Variants in COX11 observed in about 807,000 individuals in gnomAD.
COX11 encodes the protein cytochrome c oxidase assembly protein COX11, mitochondrial.
Under a neutral mutation model 29.4 loss-of-function variants are expected in COX11, and 18 were observed. The observed-to-expected ratio is 0.61, with a 90% CI of 0.42 to 0.91. The LOEUF (loss-of-function observed/expected upper bound fraction) is 0.91. COX11 is among the 40% of genes least tolerant of loss of function. The pLI is 0.00. For missense variants in COX11, 312 were observed against 346.0 expected, an observed-to-expected ratio of 0.90 and a Z score of 0.78; for synonymous variants, 131 against 124.0, an observed-to-expected ratio of 1.06 and a Z score of -0.38.
intron 1 of COX11, 24 bp downstream of exon 1, chr17:54,968,257 C>G (rs767899034): frequency 6.2e-7 from 1 of 1,600,030 alleles, no homozygotes; most frequent in Non-Finnish European, 8.5e-7. Context: ...TCTGCGCCAC[C>G]CTGCGGGCGG....
downstream of COX11, among the ~76,000 whole-genome samples, chr17:54,958,748 A>AAAAAAAAAAAG (rs372776781): frequency 0.15 from 17,589 of 117,466 alleles, 2,052 homozygotes; most frequent in Non-Finnish European, 0.21. Flanking sequence ...AAAAAAAAAA[A>AAAAAAAAAAAG]GGGGTTGTTG....
At chr17:54,954,019 C>T (rs1365192578) in exon 1 of COX11, 2 of 152,162 alleles carry the variant, frequency 1.3e-5, no homozygotes, top group African/African-American at 4.8e-5. Flanking sequence ...TTGCTTCCCT[C>T]ATACCTCTGA....
chr17:54,953,490 T>A (rs2049338712), exon 1 of COX11: 1 of 152,354 alleles, frequency 6.6e-6, no homozygotes, highest in Non-Finnish European at 1.5e-5. Flanking sequence ...TCCATCAGTT[T>A]CTTGTCCAGT....
At chr17:54,962,956 G>C (rs140907287) in intron 3 of COX11, 41 bp from the exon 4 acceptor site, 1 of 1,526,986 alleles carries the variant, frequency 6.5e-7, no homozygotes, top group African/African-American at 1.4e-5. Flanking sequence ...TTCTATTCTC[G>C]TATTACATAA....
At chr17:54,963,268 T>C (rs754223778) in intron 3 of COX11, 38 bp downstream of exon 3, 3 of 1,586,154 alleles carry the variant, frequency 1.9e-6, no homozygotes, top group Non-Finnish European at 2.6e-6. Context: ...GTTTCATGTA[T>C]CTTTATCATA....
At chr17:54,962,980 G>A (rs1395799163) in intron 3 of COX11, 65 bp from the exon 4 acceptor site, 6 of 1,383,218 alleles carry the variant, frequency 4.3e-6, no homozygotes, top group Non-Finnish European at 5.0e-6. Context: ...AAACTATACA[G>A]TTCTTTTATC....
At chr17:54,955,374 G>A (rs2049446998), upstream of COX11, among the ~76,000 whole-genome samples, 1 of 152,168 alleles carries the variant, frequency 6.6e-6, no homozygotes, top group Non-Finnish European at 1.5e-5. Context: ...CACACACACT[G>A]TTCATGTAAC....
At chr17:54,967,042 G>GCGCACACACACACACA (rs1310473186) in intron 1 of COX11, among the ~76,000 whole-genome samples, 5 of 96,120 alleles carry the variant, frequency 5.2e-5, no homozygotes, top group African/African-American at 5.9e-5. Flanking sequence ...GCGCGCGCGC[G>GCGCACACACACACACA]CACACACACA....
chr17:54,958,999 T>G (rs2077036690), downstream of COX11, among the ~76,000 whole-genome samples: 1 of 152,012 alleles, frequency 6.6e-6, no homozygotes, highest in Non-Finnish European at 1.5e-5. Context: ...AAGATAAACT[T>G]GAAGATTTAG....
downstream of COX11, among the ~76,000 whole-genome samples, chr17:54,958,748 A>AAGG (rs372776781): frequency 1.0e-3 from 120 of 118,944 alleles, 3 homozygotes; most frequent in Non-Finnish European, 1.3e-3. Flanking sequence ...AAAAAAAAAA[A>AAGG]GGGGTTGTTG....
intron 2 of COX11, chr17:54,964,481 C>T: frequency 1.9e-6 from 1 of 516,030 alleles, no homozygotes; most frequent in Non-Finnish European, 3.4e-6. Context: ...TTTTTATTCC[C>T]ATAGACTACT....
intron 1 of COX11, 142 bp downstream of exon 1, chr17:54,968,138 GT>G: frequency 7.5e-7 from 1 of 1,333,308 alleles, no homozygotes. Context: ...TTAAGTGACT[GT>G]TTTGAACCTC....
Position 54,963,425 on chromosome 17 carries a change from G to C in COX11, c.529C>G (p.Pro177Ala). 6.2e-7 allele frequency: 1 copy of C among 1,607,458 alleles called. No homozygotes were observed. Among genetic ancestry groups the C allele is most frequent in the Non-Finnish European group, 8.5e-7 (1 of 1,178,058 alleles). Residue 177 changes from proline (P) to alanine (A), a missense_variant, in exon 3 of 4, where the codon CCA becomes GCA. By Grantham distance (27) the Pro-to-Ala change is conservative. Around this residue, in one of 2 missense-constraint regions of COX11, gnomAD observed 182 missense variants for 240.0 expected, o/e 0.76. Coordinates refer to ENST00000299335, the MANE Select transcript of COX11 (RefSeq NM_004375.5). Reference protein sequence around the residue: ...RPQQTEIYVVPGETALAFYRA... With the variant: ...RPQQTEIYVVAGETALAFYRA... ...TAAAACGCCAGTGCAGTCTCTCCTGGCACCACCTGTTTTAAAGAATATATA... is the reference window on the plus strand; with the variant it reads ...TAAAACGCCAGTGCAGTCTCTCCTGCCACCACCTGTTTTAAAGAATATATA...
intron 1 of COX11, among the ~76,000 whole-genome samples, chr17:54,965,097 G>C (rs1451361886): frequency 6.6e-6 from 1 of 152,102 alleles, no homozygotes; most frequent in Non-Finnish European, 1.5e-5. Context: ...TCAAAAATGA[G>C]TCTGGGAAAA....
rs1416144720 is a variant in COX11 at position 54,961,134 on chromosome 17, C to T, written c.*1599G>A. 4.8e-6 allele frequency: 4 copies of T among 834,642 alleles called. No individual in the cohort carries two copies. The highest frequency in any genetic ancestry group is 3.4e-5 in the African/African-American group (2 of 58,744). 51.7% of individuals were successfully genotyped at this position (834,642 alleles called of 1,614,324 possible). A position where few individuals can be genotyped will look rare whatever the true frequency, so the allele number is the denominator to read the frequency against. On this transcript the variant is annotated 3_prime_UTR_variant, in exon 4 of 4. Transcript: ENST00000299335. ...ACATTCTTACCTTTCTTCTACTAGA[C>T]TGTGACTCTCCAGCTTCCCAGTAAA...
At chr17:54,960,244 A>G (rs943061316), downstream of COX11, among the ~76,000 whole-genome samples, 1 of 152,102 alleles carries the variant, frequency 6.6e-6, no homozygotes, top group Non-Finnish European at 1.5e-5. Context: ...GTGTCCCTGT[A>G]ATCCCAGCTA....
chr17:54,958,478 C>CG (rs2077009996), downstream of COX11: 1 of 152,254 alleles, frequency 6.6e-6, no homozygotes, highest in East Asian at 1.9e-4. Context: ...CGCCTATAAT[C>CG]CCAGCACTTT....
At chr17:54,959,680 C>G (rs762826648), downstream of COX11, among the ~76,000 whole-genome samples, 3 of 150,270 alleles carry the variant, frequency 2.0e-5, no homozygotes, top group Non-Finnish European at 4.4e-5. Flanking sequence ...TGCAGTGGCA[C>G]GATCTCAGCT....
At chr17:54,965,912 A>G (rs953925386) in intron 1 of COX11, among the ~76,000 whole-genome samples, 43 of 152,168 alleles carry the variant, frequency 2.8e-4, no homozygotes, top group African/African-American at 1.0e-3. Context: ...ATTTCTGGAT[A>G]ATTTGCCTGT....
Sources: allele counts gnomAD v4.1 joint callset (sites outside exome capture counted in the v4.1 genomes callset), GRCh38; gene constraint gnomAD v4.1.1; regional missense constraint gnomAD v4.1.1; transcripts MANE v1.5; gene names NCBI Gene and HGNC (gene_info 2026-07-23, HGNC 2026-07-21).